The following SMARCA4 variants were observed in gnomAD, a reference collection of about 807,000 sequenced individuals.
SMARCA4 encodes the protein SWI/SNF-related matrix-associated actin-dependent regulator of chromatin subfamily A member 4.
A neutral mutation model predicts 193.9 loss-of-function variants in SMARCA4; 31 were observed. The observed-to-expected ratio is 0.16, with a 90% confidence interval of 0.12 to 0.22. SMARCA4 has a LOEUF of 0.22. SMARCA4 is among the 10% of genes least tolerant of loss of function. SMARCA4 has a pLI of 1.00. For missense variants in SMARCA4, 1,148 were observed against 2,296.0 expected, an observed-to-expected ratio of 0.50 and a Z score of 10.22; for synonymous variants, 942 against 933.1, an observed-to-expected ratio of 1.01 and a Z score of -0.17.
intron 16 of SMARCA4, among the ~76,000 whole-genome samples, chr19:11,016,503 G>C (rs918518478): frequency 4.6e-5 from 7 of 152,218 alleles, no homozygotes; most frequent in Non-Finnish European, 1.5e-5. Context: ...CCGTTAGGAA[G>C]AGCTTTCCCG....
In SMARCA4 at chr19:10,996,559, T is replaced by C. The variant is rs1600085394; in HGVS notation, c.1812+15T>C. On this transcript the variant is annotated intron_variant, in intron 11 of 34. Transcript: ENST00000344626. ...CGGATGGCGAGGTGAGGAAGCAGGG[T>C]TTCTTGTGGAAGTATCAAGCTAGCC... 6.2e-7 allele frequency: 1 copy of C among 1,613,356 alleles called. No homozygotes were observed.
Position 11,034,477 on chromosome 19 carries a change from T to C in SMARCA4, c.3951+277T>C, listed in dbSNP as rs1032988353. On this transcript the variant is annotated intron_variant, in intron 28 of 34. Coordinates refer to ENST00000344626, the MANE Select transcript of SMARCA4 (RefSeq NM_003072.5). This position sits in a 1 kb window ranked among gnomAD's most constrained non-coding sequence, Gnocchi z 7.0. Reference sequence around the variant, plus strand: ...TTCTAACGGGCTCTCCAGGGCTTCATGCACTCCCTTTCAGAGGGAGTTCGC... The same window carrying C: ...TTCTAACGGGCTCTCCAGGGCTTCACGCACTCCCTTTCAGAGGGAGTTCGC... 2.0e-5 allele frequency among the ~76,000 whole-genome samples: 3 copies of C among 152,160 alleles called. No homozygotes were observed. Among genetic ancestry groups the C allele is most frequent in the African/African-American group, 7.2e-5 (3 of 41,462 alleles).
chr19:10,969,194 C>T (rs2084480191), intron 1 of SMARCA4, among the ~76,000 whole-genome samples: 1 of 152,226 alleles, frequency 6.6e-6, no homozygotes, highest in Non-Finnish European at 1.5e-5. Flanking sequence ...CCGGCCCTGC[C>T]TGTCTTTGCC....
At chr19:11,002,741 C>T (rs920158106) in intron 11 of SMARCA4, among the ~76,000 whole-genome samples, 3 of 141,140 alleles carry the variant, frequency 2.1e-5, no homozygotes, top group Non-Finnish European at 4.6e-5. Context: ...TGTAGTGAGC[C>T]GAGAGCCGAG....
intron 23 of SMARCA4, among the ~76,000 whole-genome samples, chr19:11,026,756 C>T (rs1314910007): frequency 1.3e-5 from 2 of 152,144 alleles, no homozygotes; most frequent in African/African-American, 4.8e-5. Context: ...GCCTTGGCCT[C>T]CCAAAGTGCT....
At chr19:11,059,031 T>G in intron 32 of SMARCA4, 142 bp downstream of exon 32, 2 of 693,412 alleles carry the variant, frequency 2.9e-6, no homozygotes, top group Non-Finnish European at 5.1e-6. Context: ...TCCCAGCACT[T>G]TGGGAGGCCA....
intron 11 of SMARCA4, among the ~76,000 whole-genome samples, chr19:10,999,664 A>G (rs1024467095): frequency 1.3e-5 from 2 of 152,126 alleles, no homozygotes; most frequent in Non-Finnish European, 2.9e-5. Context: ...TCTCACACGC[A>G]AAAAGAATCT....
At position 11,034,024 on chromosome 19, in the gene SMARCA4, C is replaced by A; in HGVS notation, c.3874-99C>A. ...CCATCCACCGCAGCCGTGCCGGGAC[C>A]ACCAGCTCATTCCCACGGACGCCGC... On this transcript the variant is annotated intron_variant, in intron 27 of 34. Coordinates refer to ENST00000344626, the MANE Select transcript of SMARCA4 (RefSeq NM_003072.5). The surrounding 1 kb of genome is among the most constrained non-coding windows in gnomAD (Gnocchi z 7.0). The A allele has an allele frequency of 1.1e-6, 1 of 904,756 alleles. No individual in the cohort carries two copies. The highest frequency in any genetic ancestry group is 1.9e-6 in the Non-Finnish European group (1 of 538,158). 56.0% of individuals were successfully genotyped at this position (904,756 alleles called of 1,614,324 possible). A position where few individuals can be genotyped will look rare whatever the true frequency, so the allele number is the denominator to read the frequency against.
chr19:11,057,576 A>G (rs1168015766), intron 30 of SMARCA4, among the ~76,000 whole-genome samples: 1 of 151,932 alleles, frequency 6.6e-6, no homozygotes, highest in Non-Finnish European at 1.5e-5. Flanking sequence ...TAAAAATACA[A>G]AAATTAGCCG....
intron 11 of SMARCA4, among the ~76,000 whole-genome samples, chr19:11,001,552 A>G (rs1043989895): frequency 6.6e-6 from 1 of 152,212 alleles, no homozygotes; most frequent in African/African-American, 2.4e-5. Flanking sequence ...GCATGCAGCA[A>G]TCGGCATCTT....
Position 11,034,014 on chromosome 19 carries a change from G to A in SMARCA4, c.3874-109G>A, listed in dbSNP as rs533442826. 26 of 846,182 alleles carry A rather than the reference G, an allele frequency of 3.1e-5. No homozygotes were observed. The highest frequency in any genetic ancestry group is 1.8e-4 in the African/African-American group (11 of 60,494). The allele number at this position is 846,182 out of a possible 1,614,324, so 52.4% of individuals were successfully genotyped here. ...GTGTGGGTCCCCATCCACCGCAGCC[G>A]TGCCGGGACCACCAGCTCATTCCCA... On this transcript the variant is annotated intron_variant, in intron 27 of 34. Coordinates refer to ENST00000344626, the MANE Select transcript of SMARCA4 (RefSeq NM_003072.5). This position sits in a 1 kb window ranked among gnomAD's most constrained non-coding sequence, Gnocchi z 7.0.
chr19:11,036,399 A>ACT (rs202120306), intron 29 of SMARCA4, among the ~76,000 whole-genome samples: 2,173 of 152,244 alleles, frequency 0.014, 31 homozygotes, highest in Non-Finnish European at 0.023. Context: ...AGTTCAGACT[A>ACT]CAGGTACACA....
At position 11,033,001 on chromosome 19, in the gene SMARCA4, A is replaced by G; in HGVS notation, c.3547-289A>G. On this transcript the variant is annotated intron_variant, in intron 25 of 34. Transcript: ENST00000344626. The surrounding 1 kb of genome is among the most constrained non-coding windows in gnomAD (Gnocchi z 9.8). ...CCGCTGCCACGGGAGCTGCTTGAGA[A>G]TATAATCCCCTGGGGGGTTGGTGCT... is the stretch of plus-strand genomic sequence containing the variant. 1.9e-6 allele frequency: 1 copy of G among 513,328 alleles called. No individual in the cohort carries two copies. The highest frequency in any genetic ancestry group is 3.1e-5 in the Admixed American group (1 of 32,050). The allele number at this position is 513,328 out of a possible 1,614,324, so 31.8% of individuals were successfully genotyped here.
At position 11,030,934 on chromosome 19, in the gene SMARCA4, G is replaced by A. The variant is rs2146605484; in HGVS notation, c.3546+41G>A. The A allele has an allele frequency of 1.3e-6, 2 of 1,588,434 alleles. No homozygotes were observed. The highest frequency in any genetic ancestry group is 8.6e-7 in the Non-Finnish European group (1 of 1,165,438). On this transcript the variant is annotated intron_variant, in intron 25 of 34. Transcript: ENST00000344626. The surrounding 1 kb of genome is among the most constrained non-coding windows in gnomAD (Gnocchi z 5.5). Reference sequence around the variant, plus strand: ...GCCCCAGGTCGAGGAGAAGGAAGGGGGTGCCTGCAAAACCTCGAGGAGACG... The same window carrying A: ...GCCCCAGGTCGAGGAGAAGGAAGGGAGTGCCTGCAAAACCTCGAGGAGACG...
chr19:10,999,271 A>T (rs565841663), intron 11 of SMARCA4, among the ~76,000 whole-genome samples: 207 of 152,260 alleles, frequency 1.4e-3, no homozygotes, highest in African/African-American at 4.5e-3. Context: ...GCTTCCTGCT[A>T]GTGGGCCATC....
chr19:11,033,586 G>GT lies in SMARCA4; in HGVS notation c.3774+76dup, dbSNP rs1477884743. The GT allele has an allele frequency of 1.2e-5, 15 of 1,284,242 alleles. No homozygotes were observed. Among genetic ancestry groups the GT allele is most frequent in the South Asian group, 9.5e-5 (8 of 84,262 alleles). The allele number at this position is 1,284,242 out of a possible 1,614,324, so 79.6% of individuals were successfully genotyped here. On this transcript the variant is annotated intron_variant, in intron 26 of 34. Coordinates refer to ENST00000344626, the MANE Select transcript of SMARCA4 (RefSeq NM_003072.5). This position sits in a 1 kb window ranked among gnomAD's most constrained non-coding sequence, Gnocchi z 9.8. ...GGACGCGTGAGCGGCTTTCATTTTTGTTTTTTTACCTTTTTTGCACTCTTA... is the reference window on the plus strand; with the variant it reads ...GGACGCGTGAGCGGCTTTCATTTTTGTTTTTTTTACCTTTTTTGCACTCTTA...
chr19:11,039,833 AGCACTT>A (rs780863850), intron 29 of SMARCA4: 50 of 227,388 alleles, frequency 2.2e-4, no homozygotes, highest in Non-Finnish European at 3.8e-4. Context: ...CTGTAATCCC[AGCACTT>A]TGAGAGGCCG....
chr19:10,991,095 T>C, intron 7 of SMARCA4, 55 bp from the exon 8 acceptor site: 1 of 1,607,336 alleles, frequency 6.2e-7, no homozygotes. Context: ...GTGTTTGTCA[T>C]TGTGGATGCC....
At chr19:11,037,408 A>G (rs150019059) in intron 29 of SMARCA4, among the ~76,000 whole-genome samples, 115 of 152,302 alleles carry the variant, frequency 7.6e-4, no homozygotes, top group African/African-American at 2.6e-3. Flanking sequence ...CCTGATGGCT[A>G]ATGGTGTGGA....
Sources: gnomAD v4.1 joint callset for allele counts (sites outside exome capture counted in the v4.1 genomes callset) on GRCh38, gnomAD v4.1.1 for gene constraint, Gnocchi (gnomAD v3.1) non-coding constraint, MANE v1.5 for transcripts, NCBI Gene and HGNC (gene_info 2026-07-23, HGNC 2026-07-21) for gene names.